The following CSMD1 variants were observed in gnomAD, a reference collection of about 807,000 sequenced individuals.
CSMD1 encodes the protein CUB and sushi domain-containing protein 1.
CSMD1 carries 213 observed loss-of-function variants against 417.5 expected under a neutral mutation model. The ratio of observed to expected loss-of-function variants is 0.51; its 90% confidence interval spans 0.46 to 0.57. The LOEUF is 0.57. CSMD1 is among the 20% of genes least tolerant of loss of function. The pLI, the probability that CSMD1 is intolerant of heterozygous loss-of-function variation, is 0.00. For synonymous variants in CSMD1, 2,862 were observed against 1,736.8 expected (o/e 1.65, Z -16.11); for missense variants, 6,923 against 4,529.7 (o/e 1.53, Z -15.17).
At chr8:3,089,200 C>G (rs1285752328) in intron 48 of CSMD1, among the ~76,000 whole-genome samples, 1 of 152,178 alleles carries the variant, frequency 6.6e-6, no homozygotes, top group Non-Finnish European at 1.5e-5. Context: ...GCTGGTGCAG[C>G]CTCGGAAAAG....
chr8:3,758,670 GAAGAA>G (rs1797812476), intron 5 of CSMD1, among the ~76,000 whole-genome samples: 1 of 152,190 alleles, frequency 6.6e-6, no homozygotes, highest in African/African-American at 2.4e-5. Flanking sequence ...TTGAGATTTA[GAAGAA>G]AAGAATTCAA....
chr8:3,981,524 A>AAAAAAAAAAAAAAAAT (rs1813868367), intron 5 of CSMD1, among the ~76,000 whole-genome samples: 1 of 116,292 alleles, frequency 8.6e-6, no homozygotes, highest in African/African-American at 3.6e-5. Flanking sequence ...AAAAAAAAAA[A>AAAAAAAAAAAAAAAAT]AGAACATACA....
rs1205672082 is a variant in CSMD1 at position 3,817,911 on chromosome 8, G to C, written c.819-63869C>G. On this transcript the variant is annotated intron_variant, in intron 5 of 69. Coordinates refer to ENST00000635120, the MANE Select transcript of CSMD1 (RefSeq NM_033225.6). ...CTTGCTAAGATGCAGATTCAGCCCT[G>C]TTAACTACCAGACAAAAACCTGGTA... Among the ~76,000 whole-genome samples, 3 of 152,132 alleles carry C rather than the reference G, an allele frequency of 2.0e-5. No homozygotes were observed. In the East Asian group the frequency reaches 5.8e-4, roughly 29 times the overall value.
intron 2 of CSMD1, among the ~76,000 whole-genome samples, chr8:4,428,808 C>G (rs568795874): frequency 6.6e-6 from 1 of 152,206 alleles, no homozygotes; most frequent in South Asian, 2.1e-4. Context: ...CAACCTCCAC[C>G]TCCCAGGTTG....
At chr8:3,390,121 G>A (rs915037427) in intron 17 of CSMD1, among the ~76,000 whole-genome samples, 7 of 152,126 alleles carry the variant, frequency 4.6e-5, no homozygotes, top group East Asian at 1.9e-4. Flanking sequence ...TTGGGAGGCC[G>A]AGGTGGGTGG....
At chr8:3,518,899 C>G (rs971636859) in intron 10 of CSMD1, among the ~76,000 whole-genome samples, 3 of 152,180 alleles carry the variant, frequency 2.0e-5, no homozygotes, top group Non-Finnish European at 4.4e-5. Context: ...CCGTAAGACA[C>G]TTATCCTGAG....
intron 1 of CSMD1, among the ~76,000 whole-genome samples, chr8:4,669,218 T>G (rs942636016): frequency 1.3e-5 from 2 of 152,198 alleles, no homozygotes; most frequent in African/African-American, 4.8e-5. Context: ...TTTAGTTCCC[T>G]TAATGGGACA....
intron 3 of CSMD1, among the ~76,000 whole-genome samples, chr8:4,352,331 A>G (rs1436034296): frequency 2.0e-5 from 3 of 152,254 alleles, no homozygotes; most frequent in Admixed American, 2.0e-4. Context: ...ATAAAAATTA[A>G]AATTCAACAT....
chr8:3,464,392 C>A (rs942751786), intron 12 of CSMD1, among the ~76,000 whole-genome samples: 1 of 152,082 alleles, frequency 6.6e-6, no homozygotes, highest in African/African-American at 2.4e-5. Context: ...GGGAACCCAA[C>A]TTTCAATTGA....
At chr8:3,538,152 T>C (rs957714301) in intron 10 of CSMD1, among the ~76,000 whole-genome samples, 1 of 152,216 alleles carries the variant, frequency 6.6e-6, no homozygotes, top group Non-Finnish European at 1.5e-5. Context: ...GATTTACATC[T>C]TTACTTGAAA....
chr8:3,772,519 A>G (rs796739218), intron 5 of CSMD1, among the ~76,000 whole-genome samples: 5 of 32,236 alleles, frequency 1.6e-4, no homozygotes, highest in African/African-American at 3.0e-4. Flanking sequence ...ATATATACAT[A>G]TATACACATA....
chr8:4,355,082 G>A (rs1329451132), intron 3 of CSMD1, among the ~76,000 whole-genome samples: 1 of 151,852 alleles, frequency 6.6e-6, no homozygotes, highest in Non-Finnish European at 1.5e-5. Flanking sequence ...CTAACATGGT[G>A]AAACCCCGTC....
At chr8:4,278,534 G>A (rs1380201730) in intron 3 of CSMD1, among the ~76,000 whole-genome samples, 1 of 152,138 alleles carries the variant, frequency 6.6e-6, no homozygotes, top group Non-Finnish European at 1.5e-5. Flanking sequence ...TTAAAGTAAG[G>A]TACTAAAATA....
At chr8:3,595,417 AT>A (rs1379919957) in intron 8 of CSMD1, among the ~76,000 whole-genome samples, 1 of 152,160 alleles carries the variant, frequency 6.6e-6, no homozygotes, top group Non-Finnish European at 1.5e-5. Flanking sequence ...CATAGCGGCA[AT>A]TTTTAGACTC....
At chr8:3,116,835 T>C (rs1003420730) in intron 42 of CSMD1, among the ~76,000 whole-genome samples, 1 of 151,980 alleles carries the variant, frequency 6.6e-6, no homozygotes, top group African/African-American at 2.4e-5. Context: ...TAAGAAGAGG[T>C]TTCAATCCTG....
At chr8:3,563,306 C>G (rs1585374149) in intron 10 of CSMD1, among the ~76,000 whole-genome samples, 1 of 151,654 alleles carries the variant, frequency 6.6e-6, no homozygotes, top group African/African-American at 2.4e-5. Context: ...GTAATTTAAA[C>G]AATTGCTGAA....
At chr8:2,977,255 C>T (rs1805005716) in intron 55 of CSMD1, among the ~76,000 whole-genome samples, 1 of 152,094 alleles carries the variant, frequency 6.6e-6, no homozygotes, top group Admixed American at 6.5e-5. Context: ...TCCTGATGCT[C>T]TCCCTCCCCC....
intron 2 of CSMD1, among the ~76,000 whole-genome samples, chr8:4,435,466 G>A (rs1172118298): frequency 6.6e-6 from 1 of 152,178 alleles, no homozygotes; most frequent in South Asian, 2.1e-4. Flanking sequence ...GGTTTCCACA[G>A]AAAATCTTTG....
intron 6 of CSMD1, among the ~76,000 whole-genome samples, chr8:3,723,094 T>A (rs1052187672): frequency 1.3e-5 from 2 of 152,196 alleles, no homozygotes; most frequent in Non-Finnish European, 2.9e-5. Context: ...GAATCCTTTT[T>A]GACATTCAGT....
Sources: gnomAD v4.1 joint callset for allele counts (sites outside exome capture counted in the v4.1 genomes callset) on GRCh38, gnomAD v4.1.1 for gene constraint, MANE v1.5 for transcripts, NCBI Gene and HGNC (gene_info 2026-07-23, HGNC 2026-07-21) for gene names.